ILRUN: variants seen among roughly 807,000 people sequenced by gnomAD.
ILRUN encodes inflammation and lipid regulator with UBA-like and NBR1-like domains.
Under a neutral mutation model 33.8 loss-of-function variants are expected in ILRUN, and 3 were observed. The observed-to-expected ratio is 0.09, with a 90% CI of 0.04 to 0.23. The LOEUF is 0.23. ILRUN is among the 10% of genes least tolerant of loss of function. The probability of loss-of-function intolerance (pLI) is 1.00; values close to 1 mark genes in which losing one functional copy is unlikely to be tolerated. For missense variants in ILRUN, 210 were observed against 375.1 expected (o/e 0.56, Z 3.64); for synonymous variants, 124 against 138.9 (o/e 0.89, Z 0.75).
intron 1 of ILRUN, among the ~76,000 whole-genome samples, chr6:34,683,469 TATACAC>T (rs1338500395): frequency 1.0e-5 from 1 of 97,688 alleles, no homozygotes; most frequent in Admixed American, 1.0e-4. Context: ...TATACATATA[TATACAC>T]ATATATATAT....
chr6:34,623,033 C>T (rs1317182617), intron 3 of ILRUN, among the ~76,000 whole-genome samples: 1 of 152,120 alleles, frequency 6.6e-6, no homozygotes, highest in Non-Finnish European at 1.5e-5. Context: ...ATGTGAGGTA[C>T]CTAAGGTAGT....
chr6:34,605,318 C>CAAAA lies in ILRUN; in HGVS notation c.861+1233_861+1236dup, dbSNP rs78612898. On this transcript the variant is annotated intron_variant, in intron 4 of 4. Coordinates refer to ENST00000374023, the MANE Select transcript of ILRUN (RefSeq NM_024294.4). ...CGAAACTCCGTCTCCAAAACAAAAA[C>CAAAA]AAAAAAAAAAAAAAAAAAAAAAAGG... Among the ~76,000 whole-genome samples, 230 of 74,142 alleles carry CAAAA rather than the reference C, an allele frequency of 3.1e-3. 4 individuals carry two copies. Among genetic ancestry groups the CAAAA allele is most frequent in the East Asian group, 0.026 (56 of 2,180 alleles). 48.6% of individuals were successfully genotyped at this position (74,142 alleles called of 152,430 possible). A position where few individuals can be genotyped will look rare whatever the true frequency, so the allele number is the denominator to read the frequency against.
intron 3 of ILRUN, among the ~76,000 whole-genome samples, chr6:34,611,783 A>C (rs1761759487): frequency 6.6e-6 from 1 of 152,222 alleles, no homozygotes; most frequent in Admixed American, 6.5e-5. Flanking sequence ...TAGAGGTAAA[A>C]GTGATGAGCT....
Position 34,683,381 on chromosome 6 carries a change from TTC to T in ILRUN, c.158+13063_158+13064del, listed in dbSNP as rs533922259. On this transcript the variant is annotated intron_variant, in intron 1 of 4. Coordinates refer to ENST00000374023, the MANE Select transcript of ILRUN (RefSeq NM_024294.4). Reference sequence around the variant, plus strand: ...TACATACATATTCATGCATAGAAAATTCTGTTATATATATGCACATATATACA... The same window carrying T: ...TACATACATATTCATGCATAGAAAATTGTTATATATATGCACATATATACA... Among the ~76,000 whole-genome samples the T allele has an allele frequency of 2.4e-3, 353 of 145,354 alleles. 2 individuals carry two copies. Among genetic ancestry groups the T allele is most frequent in the East Asian group, 7.1e-3 (36 of 5,098 alleles).
intron 1 of ILRUN, among the ~76,000 whole-genome samples, chr6:34,670,366 T>C (rs1178149911): frequency 6.6e-6 from 1 of 152,118 alleles, no homozygotes; most frequent in Non-Finnish European, 1.5e-5. Context: ...ATGGATAAAC[T>C]TACTAAAAAT....
chr6:34,682,021 C>CTTTTTT lies in ILRUN; in HGVS notation c.158+14424_158+14425insAAAAAA, dbSNP rs1377020252. ...TGCATGCCACCACACCCCACTAATTCTTATATTTTTATTTTTTTACTTTTT... is the reference window on the plus strand; with the variant it reads ...TGCATGCCACCACACCCCACTAATTCTTTTTTTTATATTTTTATTTTTTTACTTTTT... On this transcript the variant is annotated intron_variant, in intron 1 of 4. Coordinates refer to ENST00000374023, the MANE Select transcript of ILRUN (RefSeq NM_024294.4). Among the ~76,000 whole-genome samples the CTTTTTT allele has an allele frequency of 7.1e-3, 924 of 129,956 alleles. 34 individuals are homozygous for CTTTTTT. Among genetic ancestry groups the CTTTTTT allele is most frequent in the Non-Finnish European group, 0.011 (647 of 61,066 alleles). 85.3% of individuals were successfully genotyped at this position (129,956 alleles called of 152,430 possible).
chr6:34,617,668 G>A (rs1172496463), intron 3 of ILRUN, among the ~76,000 whole-genome samples: 1 of 152,130 alleles, frequency 6.6e-6, no homozygotes, highest in Non-Finnish European at 1.5e-5. Context: ...CAGCAGCAGA[G>A]TACCGCTGAA....
At chr6:34,630,024 A>G (rs1371501924) in intron 3 of ILRUN, among the ~76,000 whole-genome samples, 1 of 152,244 alleles carries the variant, frequency 6.6e-6, no homozygotes, top group African/African-American at 2.4e-5. Context: ...AACAATTTCA[A>G]CAGTATGCTA....
chr6:34,637,948 G>A (rs564578105), intron 3 of ILRUN, among the ~76,000 whole-genome samples: 2 of 152,000 alleles, frequency 1.3e-5, no homozygotes, highest in South Asian at 4.2e-4. Flanking sequence ...GTGCAGTGGA[G>A]TGATCTCGGC....
intron 4 of ILRUN, among the ~76,000 whole-genome samples, chr6:34,602,726 A>C (rs1284028418): frequency 6.6e-6 from 1 of 152,208 alleles, no homozygotes; most frequent in Non-Finnish European, 1.5e-5. Context: ...TAACAAAAGC[A>C]GGGAGCCAGA....
At chr6:34,683,510 A>ATG (rs1581555776) in intron 1 of ILRUN, among the ~76,000 whole-genome samples, 4 of 92,658 alleles carry the variant, frequency 4.3e-5, no homozygotes, top group East Asian at 6.3e-4. Context: ...ATATATATAT[A>ATG]TATACATATA....
intron 3 of ILRUN, among the ~76,000 whole-genome samples, chr6:34,620,441 G>C (rs759315844): frequency 6.6e-6 from 1 of 152,126 alleles, no homozygotes; most frequent in African/African-American, 2.4e-5. Flanking sequence ...TCTGAGGATC[G>C]GGTATGTCTA....
At chr6:34,657,185 A>C (rs1762788907) in intron 1 of ILRUN, among the ~76,000 whole-genome samples, 1 of 152,252 alleles carries the variant, frequency 6.6e-6, no homozygotes. Context: ...TTTTGAAAAC[A>C]GAATTTTTTT....
At chr6:34,619,127 C>A (rs1003943907) in intron 3 of ILRUN, among the ~76,000 whole-genome samples, 2 of 152,018 alleles carry the variant, frequency 1.3e-5, no homozygotes, top group Non-Finnish European at 2.9e-5. Flanking sequence ...AGTAAGAGAT[C>A]AGGAGGTGGA....
chr6:34,611,026 C>A (rs1761736458), intron 3 of ILRUN, among the ~76,000 whole-genome samples: 1 of 150,242 alleles, frequency 6.7e-6, no homozygotes, highest in African/African-American at 2.5e-5. Context: ...TTCTGGGCAA[C>A]ACAGTGAGAC....
At chr6:34,678,232 G>A (rs1444434838) in intron 1 of ILRUN, among the ~76,000 whole-genome samples, 1 of 152,018 alleles carries the variant, frequency 6.6e-6, no homozygotes, top group Non-Finnish European at 1.5e-5. Context: ...GTAGAGACGG[G>A]GTTTCACCAT....
chr6:34,620,430 G>A (rs147156365), intron 3 of ILRUN, among the ~76,000 whole-genome samples: 100 of 152,312 alleles, frequency 6.6e-4, no homozygotes, highest in Middle Eastern at 3.4e-3. Context: ...TAAGGGTAAC[G>A]TCTGAGGATC....
chr6:34,599,326 A>G (rs1761462187), intron 4 of ILRUN, among the ~76,000 whole-genome samples: 1 of 152,252 alleles, frequency 6.6e-6, no homozygotes, highest in Non-Finnish European at 1.5e-5. Context: ...GAAATGGTTT[A>G]CATGTTAGAC....
At chr6:34,673,444 AG>A (rs1333779580) in intron 1 of ILRUN, among the ~76,000 whole-genome samples, 2 of 152,248 alleles carry the variant, frequency 1.3e-5, no homozygotes, top group Non-Finnish European at 1.5e-5. Flanking sequence ...GTAAAAAAAA[AG>A]ACTGAACAAA....
Sources: allele counts gnomAD v4.1 joint callset (sites outside exome capture counted in the v4.1 genomes callset), GRCh38; gene constraint gnomAD v4.1.1; transcripts MANE v1.5; gene names NCBI Gene and HGNC (gene_info 2026-07-23, HGNC 2026-07-21).